WDFY4: variants seen among roughly 807,000 people sequenced by gnomAD.
The protein encoded by WDFY4 is WD repeat- and FYVE domain-containing protein 4.
A neutral mutation model predicts 351.9 loss-of-function variants in WDFY4; 169 were observed. The ratio of observed to expected loss-of-function variants is 0.48; its 90% CI spans 0.42 to 0.55. The LOEUF is 0.55. Among genes scored for constraint, WDFY4 ranks in the 20% least tolerant of loss-of-function variants. The probability of loss-of-function intolerance (pLI) is 0.00; values close to 1 mark genes in which losing one functional copy is unlikely to be tolerated. For missense variants in WDFY4, 3,803 were observed against 3,935.6 expected, an observed-to-expected ratio of 0.97 and a Z score of 0.90; for synonymous variants, 1,622 against 1,574.6, an observed-to-expected ratio of 1.03 and a Z score of -0.71.
At chr10:48,755,598 A>G (rs1464133308) in intron 12 of WDFY4, among the ~76,000 whole-genome samples, 1 of 152,120 alleles carries the variant, frequency 6.6e-6, no homozygotes, top group Non-Finnish European at 1.5e-5. Flanking sequence ...AATTCTTCCA[A>G]TGCCATTAGT....
chr10:48,712,262 C>T (rs17011115), intron 2 of WDFY4, among the ~76,000 whole-genome samples: 18,581 of 152,210 alleles, frequency 0.12, 1,370 homozygotes, highest in African/African-American at 0.2. Context: ...AATGAGAAAC[C>T]ATGAGGGTAA....
chr10:48,733,515 G>A (rs2064540173), intron 9 of WDFY4, among the ~76,000 whole-genome samples: 1 of 152,204 alleles, frequency 6.6e-6, no homozygotes, highest in Admixed American at 6.5e-5. Flanking sequence ...ATGGCAAACT[G>A]TAAAAGTGGC....
chr10:48,755,435 A>G (rs891343807), intron 12 of WDFY4, among the ~76,000 whole-genome samples: 3 of 152,132 alleles, frequency 2.0e-5, no homozygotes, highest in Admixed American at 6.5e-5. Flanking sequence ...CATATCTAAG[A>G]TCTCTTTGCC....
chr10:48,744,558 T>C (rs1053984434), intron 12 of WDFY4, among the ~76,000 whole-genome samples: 1 of 152,244 alleles, frequency 6.6e-6, no homozygotes, highest in Non-Finnish European at 1.5e-5. Flanking sequence ...CCTTTCATAC[T>C]CCTTTCCTGG....
intron 47 of WDFY4, among the ~76,000 whole-genome samples, chr10:48,937,295 C>T (rs139664454): frequency 1.3e-5 from 2 of 152,300 alleles, no homozygotes; most frequent in Non-Finnish European, 2.9e-5. Flanking sequence ...ATCATGCTGC[C>T]AAATATATGC....
At chr10:48,794,384 G>A (rs2066785527) in intron 23 of WDFY4, among the ~76,000 whole-genome samples, 1 of 152,108 alleles carries the variant, frequency 6.6e-6, no homozygotes, top group Non-Finnish European at 1.5e-5. Flanking sequence ...CAGGAAGGAA[G>A]GGAGATGCTG....
At chr10:48,915,176 A>G (rs972055762) in intron 47 of WDFY4, among the ~76,000 whole-genome samples, 3 of 152,226 alleles carry the variant, frequency 2.0e-5, no homozygotes, top group Non-Finnish European at 4.4e-5. Flanking sequence ...ATCTAATACT[A>G]TAAAGCACTT....
At chr10:48,842,922 GTTC>G (rs1554789232) in intron 39 of WDFY4, among the ~76,000 whole-genome samples, 1 of 152,130 alleles carries the variant, frequency 6.6e-6, no homozygotes. Flanking sequence ...CTCTTTGACT[GTTC>G]TTTTGGCCAT....
intron 39 of WDFY4, among the ~76,000 whole-genome samples, chr10:48,855,744 T>C (rs1250329559): frequency 6.6e-6 from 1 of 152,120 alleles, no homozygotes; most frequent in Non-Finnish European, 1.5e-5. Context: ...TACTCACAGT[T>C]TTGCTTTCTG....
At chr10:48,787,925 TTCTTC>T (rs2066515569) in intron 20 of WDFY4, among the ~76,000 whole-genome samples, 1 of 80,408 alleles carries the variant, frequency 1.2e-5, no homozygotes, top group Non-Finnish European at 2.4e-5. Context: ...CTTCTTCTTC[TTCTTC>T]TTCTTCTTCT....
At chr10:48,883,649 C>CAT (rs1227238297) in intron 43 of WDFY4, among the ~76,000 whole-genome samples, 1 of 152,184 alleles carries the variant, frequency 6.6e-6, no homozygotes, top group African/African-American at 2.4e-5. Context: ...AATGCTTGAT[C>CAT]ATATGGCCTT....
rs759256752 is a variant in WDFY4, at chr10:48,774,676, C to T, written c.2768+4C>T. On this transcript the variant is annotated splice_donor_region_variant and intron_variant, in intron 14 of 61. Transcript: ENST00000325239. ...CCATTGAACCGGATGTGCTAAGGTA[C>T]CACATGCTGCATATTCAGTGCCGCC... The T allele has an allele frequency of 4.5e-6, 7 of 1,551,650 alleles. No homozygotes were observed. The South Asian group carries it at 8.3e-5, about 18-fold the overall frequency.
chr10:48,798,639 A>G (rs1014348475), intron 24 of WDFY4, among the ~76,000 whole-genome samples: 5 of 152,340 alleles, frequency 3.3e-5, no homozygotes, highest in Non-Finnish European at 5.9e-5. Flanking sequence ...TCACTGGTTT[A>G]AAATCTGTTG....
chr10:48,707,429 G>A (rs1247606251), intron 1 of WDFY4, among the ~76,000 whole-genome samples: 1 of 152,168 alleles, frequency 6.6e-6, no homozygotes, highest in East Asian at 1.9e-4. Flanking sequence ...TTCATACCCA[G>A]AGTCAGTCAT....
chr10:48,906,938 A>ATTTTTTTTT (rs146341357), intron 47 of WDFY4, among the ~76,000 whole-genome samples: 1 of 148,312 alleles, frequency 6.7e-6, no homozygotes. Flanking sequence ...GGCTTTTGCG[A>ATTTTTTTTT]TTTTTTTTTT....
intron 13 of WDFY4, among the ~76,000 whole-genome samples, chr10:48,763,981 A>G (rs991664283): frequency 6.6e-6 from 1 of 152,258 alleles, no homozygotes; most frequent in African/African-American, 2.4e-5. Flanking sequence ...GTTTTGGTGT[A>G]GGAAATGGAG....
At chr10:48,848,109 C>T (rs537044212) in intron 39 of WDFY4, among the ~76,000 whole-genome samples, 1 of 152,184 alleles carries the variant, frequency 6.6e-6, no homozygotes, top group Non-Finnish European at 1.5e-5. Context: ...TCCAAATACA[C>T]GTCCCCCAAA....
At chr10:48,833,105 C>A (rs865924669) in intron 39 of WDFY4, among the ~76,000 whole-genome samples, 8 of 151,008 alleles carry the variant, frequency 5.3e-5, no homozygotes, top group Middle Eastern at 3.2e-3. Flanking sequence ...TCAAAACCTG[C>A]AAAACAAGTC....
chr10:48,890,730 G>A lies in WDFY4; in HGVS notation c.7316+3G>A, dbSNP rs376828803. ...TGTACCCGTCACTGCTTATCCAAGT[G>A]AGTTATCCACTTCTCCCAGCAGATT... On this transcript the variant is annotated splice_donor_region_variant and intron_variant, in intron 44 of 61. Coordinates refer to ENST00000325239, the MANE Select transcript of WDFY4 (RefSeq NM_001394531.1). The A allele has an allele frequency of 1.7e-5, 26 of 1,551,608 alleles. No individual in the cohort carries two copies. In the African/African-American group the frequency reaches 2.7e-4, roughly 16 times the overall value.
Sources: gnomAD v4.1 joint callset for allele counts (sites outside exome capture counted in the v4.1 genomes callset) on GRCh38, gnomAD v4.1.1 for gene constraint, MANE v1.5 for transcripts, NCBI Gene and HGNC (gene_info 2026-07-23, HGNC 2026-07-21) for gene names.